Variants in LYST observed in about 807,000 individuals in gnomAD.
LYST encodes the protein lysosomal-trafficking regulator.
In LYST, 192 loss-of-function variants were observed where a neutral mutation model predicts 413.6. The observed-to-expected ratio is 0.46, with a 90% CI of 0.41 to 0.52. The LOEUF (loss-of-function observed/expected upper bound fraction) is 0.52. Ranked by LOEUF, LYST falls within the 20% of genes least tolerant of loss-of-function variation. The probability of loss-of-function intolerance (pLI) is 0.00; values close to 1 mark genes in which losing one functional copy is unlikely to be tolerated. For missense variants in LYST, 3,815 were observed against 4,499.9 expected, an observed-to-expected ratio of 0.85 and a Z score of 4.35; for synonymous variants, 1,525 against 1,567.3, an observed-to-expected ratio of 0.97 and a Z score of 0.64.
intron 9 of LYST, among the ~76,000 whole-genome samples, 189 bp downstream of exon 9, chr1:235,800,682 A>C (rs1572301482): frequency 6.6e-6 from 1 of 152,324 alleles, no homozygotes; most frequent in East Asian, 1.9e-4. Context: ...TTAATTTTCT[A>C]TGCTACTTTA....
At chr1:235,673,229 T>C (rs998450808) in intron 50 of LYST, among the ~76,000 whole-genome samples, 1 of 152,152 alleles carries the variant, frequency 6.6e-6, no homozygotes, top group Non-Finnish European at 1.5e-5. Context: ...TCTTTTTTTT[T>C]CTCTTCTCTT....
In LYST at chr1:235,800,939, G is replaced by A; in HGVS notation, c.3871C>T (p.His1291Tyr). The A allele has an allele frequency of 6.2e-7, 1 of 1,613,652 alleles. No individual in the cohort carries two copies. The highest frequency in any genetic ancestry group is 8.5e-7 in the Non-Finnish European group (1 of 1,179,794). Residue 1291 changes from histidine (H) to tyrosine (Y), a missense_variant, in exon 9 of 53, where the codon CAT (histidine) becomes TAT (tyrosine). His to Tyr is a moderately conservative substitution (Grantham distance 83). Transcript: ENST00000389793. ...ATTTTCAAAAAACTCTCAAATACATGGGCAAGCACATCAAGTTTGGCTTTA... is the reference window on the plus strand; with the variant it reads ...ATTTTCAAAAAACTCTCAAATACATAGGCAAGCACATCAAGTTTGGCTTTA... ...ASKAKLDVLAHVFESFLKIIR... is the reference protein window; with the variant it reads ...ASKAKLDVLAYVFESFLKIIR...
intron 20 of LYST, among the ~76,000 whole-genome samples, chr1:235,769,040 T>C (rs949733584): frequency 1.3e-5 from 2 of 152,096 alleles, no homozygotes; most frequent in Non-Finnish European, 2.9e-5. Context: ...ACAAAAACCA[T>C]ATCCCTGCTT....
chr1:235,846,581 G>A (rs1223419436), intron 1 of LYST, among the ~76,000 whole-genome samples: 1 of 151,964 alleles, frequency 6.6e-6, no homozygotes, highest in South Asian at 2.1e-4. Context: ...AATCAGGGAG[G>A]GACCAGAGAA....
chr1:235,767,492 C>T (rs190251672), intron 20 of LYST, among the ~76,000 whole-genome samples: 1 of 152,116 alleles, frequency 6.6e-6, no homozygotes, highest in South Asian at 2.1e-4. Context: ...CTACAACCAT[C>T]TGCATTTCTT....
chr1:235,882,775 A>C (rs1349981460), intron 1 of LYST, among the ~76,000 whole-genome samples: 1 of 152,190 alleles, frequency 6.6e-6, no homozygotes, highest in Non-Finnish European at 1.5e-5. Flanking sequence ...GGAGATGTTC[A>C]GTTTCATGTG....
chr1:235,718,867 GT>G (rs1663082781), intron 40 of LYST, among the ~76,000 whole-genome samples: 1 of 152,144 alleles, frequency 6.6e-6, no homozygotes, highest in African/African-American at 2.4e-5. Flanking sequence ...TTGTTTCACT[GT>G]GTTTCCTTGG....
rs747957831 is a variant in LYST at position 235,806,119 on chromosome 1, T to A, written c.3017A>T (p.Lys1006Ile). 4 of 1,614,018 alleles carry A rather than the reference T, an allele frequency of 2.5e-6. No individual in the cohort carries two copies. The East Asian group carries it at 8.9e-5, about 36-fold the overall frequency. The part of the protein sequence containing the change: ...MIIQKLFRSH[K>I]EEQGKKEGDT... ...TCCCTCCTTTTTTCCTTGCTCCTCT[T>A]TGTGACTTCTGAACAGTTTCTGTAT... The change falls in exon 6 of 53, where the codon AAA becomes ATA. Residue 1006 changes from lysine (K) to isoleucine (I), a missense_variant. By Grantham distance (102) the Lys-to-Ile change is moderately radical (BLOSUM62 -3). Transcript: ENST00000389793.
intron 1 of LYST, among the ~76,000 whole-genome samples, chr1:235,837,350 G>A (rs138189603): frequency 1.7e-4 from 26 of 152,252 alleles, no homozygotes; most frequent in African/African-American, 6.0e-4. Context: ...GAAAGCTGGC[G>A]GGTGCAGTGG....
In LYST at chr1:235,771,913, G is replaced by GTTTTTT. The variant is rs1187587312; in HGVS notation, c.5785-1617_5785-1616insAAAAAA. On this transcript the variant is annotated intron_variant, in intron 19 of 52. Coordinates refer to ENST00000389793, the MANE Select transcript of LYST (RefSeq NM_000081.4). ...CTAATAGATTAGAAAAGGTTTTTTAGTTTGTTTTTTTTTTTTTTTTTTTTT... is the reference window on the plus strand; with the variant it reads ...CTAATAGATTAGAAAAGGTTTTTTAGTTTTTTTTTGTTTTTTTTTTTTTTTTTTTTT... Among the ~76,000 whole-genome samples, 32 of 95,178 alleles carry GTTTTTT rather than the reference G, an allele frequency of 3.4e-4. 2 individuals are homozygous for GTTTTTT. The highest frequency in any genetic ancestry group is 1.3e-3 in the East Asian group (3 of 2,348). The allele number at this position is 95,178 out of a possible 152,430, so 62.4% of individuals were successfully genotyped here.
chr1:235,688,900 G>A (rs538302376), intron 47 of LYST, among the ~76,000 whole-genome samples: 4 of 151,632 alleles, frequency 2.6e-5, no homozygotes, highest in South Asian at 2.1e-4. Context: ...CAGGAGAATC[G>A]CTTGAACCCA....
intron 50 of LYST, among the ~76,000 whole-genome samples, chr1:235,668,701 CT>C (rs1281273644): frequency 6.6e-6 from 1 of 152,178 alleles, no homozygotes; most frequent in Non-Finnish European, 1.5e-5. Flanking sequence ...CTTTCAAACA[CT>C]GCCAAAACAA....
At chr1:235,712,810 A>AT (rs1180457405) in intron 42 of LYST, 14 of 984,188 alleles carry the variant, frequency 1.4e-5, no homozygotes, top group South Asian at 4.7e-5. Context: ...TCTTTCGTTC[A>AT]TTTTTTTTCC....
In LYST at chr1:235,662,922, C is replaced by T. The variant is rs781765292; in HGVS notation, c.*18G>A. 3.8e-5 allele frequency: 52 copies of T among 1,371,212 alleles called. No individual in the cohort carries two copies. The Middle Eastern group carries it at 5.3e-4, about 14-fold the overall frequency. The allele number at this position is 1,371,212 out of a possible 1,614,324, so 84.9% of individuals were successfully genotyped here. A position where few individuals can be genotyped will look rare whatever the true frequency, so the allele number is the denominator to read the frequency against. ...TTTGGAGTTAAAGTGCTTTGGAGAA[C>T]GTGAAGTTCATTCGCATTCACCCGG... On this transcript the variant is annotated 3_prime_UTR_variant, in exon 53 of 53. Transcript: ENST00000389793.
intron 45 of LYST, among the ~76,000 whole-genome samples, chr1:235,699,130 A>C (rs1661342030): frequency 6.6e-6 from 1 of 152,122 alleles, no homozygotes; most frequent in South Asian, 2.1e-4. Context: ...TCTGGGATAC[A>C]TGTGCAGAAC....
intron 3 of LYST, among the ~76,000 whole-genome samples, chr1:235,821,466 G>A (rs905482764): frequency 2.6e-5 from 4 of 151,886 alleles, no homozygotes; most frequent in African/African-American, 9.7e-5. Context: ...AAAAAAAATT[G>A]GTTCTTCTAA....
At chr1:235,778,098 AATATATATATAT>A (rs139907712) in intron 16 of LYST, among the ~76,000 whole-genome samples, 1 of 128,036 alleles carries the variant, frequency 7.8e-6, no homozygotes, top group African/African-American at 3.7e-5. Flanking sequence ...AACCCAGTTA[AATATATATATAT>A]ATATATATAT....
At chr1:235,800,645 G>A (rs1572301253) in intron 9 of LYST, among the ~76,000 whole-genome samples, 1 of 152,052 alleles carries the variant, frequency 6.6e-6, no homozygotes. Context: ...AAATAGATGA[G>A]GATTTACTAC....
intron 48 of LYST, 121 bp from the exon 49 acceptor site, chr1:235,677,740 T>C: frequency 1.4e-6 from 1 of 711,664 alleles, no homozygotes. Flanking sequence ...CATTCTTCAA[T>C]CCTATTCAGA....
Sources: allele counts gnomAD v4.1 joint callset (sites outside exome capture counted in the v4.1 genomes callset), GRCh38; gene constraint gnomAD v4.1.1; transcripts MANE v1.5; gene names NCBI Gene and HGNC (gene_info 2026-07-23, HGNC 2026-07-21).